The following TRAF6 variants were observed in gnomAD, a reference collection of about 807,000 sequenced individuals.
The protein encoded by TRAF6 is TNF receptor associated factor 6.
Under a neutral mutation model 48.4 loss-of-function variants are expected in TRAF6, and 10 were observed. That is an observed-to-expected ratio of 0.21 (90% CI 0.13 to 0.35). The LOEUF (loss-of-function observed/expected upper bound fraction) is 0.35, where lower values mean the gene tolerates loss of function less well. Among genes scored for constraint, TRAF6 ranks in the 10% least tolerant of loss-of-function variants. The pLI is 1.00. For synonymous variants in TRAF6, 186 were observed against 219.6 expected, an observed-to-expected ratio of 0.85 and a Z score of 1.35; for missense variants, 397 against 661.0, an observed-to-expected ratio of 0.60 and a Z score of 4.38.
intron 5 of TRAF6, among the ~76,000 whole-genome samples, chr11:36,493,396 A>G (rs1859588977): frequency 6.6e-6 from 1 of 152,340 alleles, no homozygotes; most frequent in East Asian, 1.9e-4. Flanking sequence ...AACAGGGGCC[A>G]ATAAAATTTT....
In TRAF6 at chr11:36,489,063, T is replaced by G. The variant is rs936456096; in HGVS notation, c.*775A>C. Reference sequence around the variant, plus strand: ...CTCTGCACTGAATAGACAAAAAGGGTTACATAGCATAACAATGAGCAGTTG... The same window carrying G: ...CTCTGCACTGAATAGACAAAAAGGGGTACATAGCATAACAATGAGCAGTTG... On this transcript the variant is annotated 3_prime_UTR_variant, in exon 7 of 7. Transcript: ENST00000526995. The G allele has an allele frequency of 6.6e-6, 1 of 152,206 alleles. No individual in the cohort carries two copies. Among genetic ancestry groups the G allele is most frequent in the Non-Finnish European group, 1.5e-5 (1 of 68,050 alleles). 9.4% of individuals were successfully genotyped at this position (152,206 alleles called of 1,614,324 possible). A position where few individuals can be genotyped will look rare whatever the true frequency, so the allele number is the denominator to read the frequency against.
At chr11:36,496,998 A>G in intron 4 of TRAF6, 110 bp downstream of exon 4, 1 of 1,135,288 alleles carries the variant, frequency 8.8e-7, no homozygotes, top group Non-Finnish European at 1.2e-6. Flanking sequence ...TTGATAATGT[A>G]GACTCAGAGT....
At position 36,487,641 on chromosome 11, in the gene TRAF6, G is replaced by A. The variant is rs1214069018; in HGVS notation, c.*2197C>T. 1 of 152,178 alleles carries A rather than the reference G, an allele frequency of 6.6e-6. No individual in the cohort carries two copies. The highest frequency in any genetic ancestry group is 2.4e-5 in the African/African-American group (1 of 41,454). 9.4% of individuals were successfully genotyped at this position (152,178 alleles called of 1,614,324 possible). A position where few individuals can be genotyped will look rare whatever the true frequency, so the allele number is the denominator to read the frequency against. The stretch of plus-strand genomic sequence containing the variant: ...GAGACAGAATGTTATGGCTGGAGGG[G>A]ACTCTAGAAATATCTGGTCCAAATC... On this transcript the variant is annotated 3_prime_UTR_variant, in exon 7 of 7. Transcript: ENST00000526995.
In TRAF6 at chr11:36,484,327, A is replaced by G. The variant is rs1037498266; in HGVS notation, c.*5511T>C. ...TTTCCCCACCCTTATCTTTGCATTC[A>G]CTCCCTCTCATAAAGGATGCATTTT... On this transcript the variant is annotated 3_prime_UTR_variant, in exon 7 of 7. Coordinates refer to ENST00000526995, the MANE Select transcript of TRAF6 (RefSeq NM_004620.4). 6.6e-6 allele frequency among the ~76,000 whole-genome samples: 1 copy of G among 151,826 alleles called. No individual in the cohort carries two copies. Among genetic ancestry groups the G allele is most frequent in the African/African-American group, 2.4e-5 (1 of 41,292 alleles).
At position 36,509,947 on chromosome 11, in the gene TRAF6, C is replaced by T. The variant is rs555105456; in HGVS notation, c.-23+101G>A. 244 of 151,198 alleles carry T rather than the reference C, an allele frequency of 1.6e-3. 3 individuals carry two copies. Among genetic ancestry groups the T allele is most frequent in the Non-Finnish European group, 1.9e-3 (131 of 67,710 alleles). 9.4% of individuals were successfully genotyped at this position (151,198 alleles called of 1,614,324 possible). ...GTGGGAAGCGAGGGGACAGGGACTGCGTCCCCGACCTGCCGAGAGCGAAGG... is the reference window on the plus strand; with the variant it reads ...GTGGGAAGCGAGGGGACAGGGACTGTGTCCCCGACCTGCCGAGAGCGAAGG... On this transcript the variant is annotated intron_variant, in intron 1 of 6. Coordinates refer to ENST00000526995, the MANE Select transcript of TRAF6 (RefSeq NM_004620.4).
At chr11:36,491,963 CT>C (rs1273091296) in intron 6 of TRAF6, among the ~76,000 whole-genome samples, 2 of 152,106 alleles carry the variant, frequency 1.3e-5, no homozygotes, top group Non-Finnish European at 2.9e-5. Flanking sequence ...TGTGTTCACT[CT>C]TTTTTGCCGA....
Position 36,497,372 on chromosome 11 carries a change from C to T in TRAF6, c.448-106G>A, listed in dbSNP as rs1388983557. The T allele has an allele frequency of 6.4e-6, 7 of 1,089,472 alleles. No individual in the cohort carries two copies. The East Asian group carries it at 1.6e-4, about 24-fold the overall frequency. 67.5% of individuals were successfully genotyped at this position (1,089,472 alleles called of 1,614,324 possible). A position where few individuals can be genotyped will look rare whatever the true frequency, so the allele number is the denominator to read the frequency against. On this transcript the variant is annotated intron_variant, in intron 3 of 6. Coordinates refer to ENST00000526995, the MANE Select transcript of TRAF6 (RefSeq NM_004620.4). ...CTCTTTCAGCAGGCTACTGAACCTACTTTGTCTAATGCACACCACAGAACC... is the reference window on the plus strand; with the variant it reads ...CTCTTTCAGCAGGCTACTGAACCTATTTTGTCTAATGCACACCACAGAACC...
chr11:36,505,840 G>A (rs951863657), intron 1 of TRAF6, among the ~76,000 whole-genome samples: 1 of 152,106 alleles, frequency 6.6e-6, no homozygotes, highest in African/African-American at 2.4e-5. Context: ...AGGGGAGTAG[G>A]GAGGCCTGAG....
chr11:36,494,630 A>AAT (rs5030467), intron 5 of TRAF6, among the ~76,000 whole-genome samples: 22,476 of 150,034 alleles, frequency 0.15, 1,732 homozygotes, highest in African/African-American at 0.19. Context: ...ACAGTGTGTA[A>AAT]ATATATATAT....
In TRAF6 at chr11:36,489,855, T is replaced by C; in HGVS notation, c.1552A>G (p.Thr518Ala). Reference sequence around the variant, plus strand: ...AGGGCAAGCTATACCCCTGCATCAGTACTTCGTGGCTGAAAACCCTCCCTC... The same window carrying C: ...AGGGCAAGCTATACCCCTGCATCAGCACTTCGTGGCTGAAAACCCTCCCTC... ...LRREGFQPRS[T>A]DAGV The change falls in exon 7 of 7, where the codon ACT (threonine) becomes GCT (alanine). Residue 518 changes from threonine (T) to alanine (A), a missense_variant. This residue lies in a region of TRAF6 where 74 missense variants were observed against 198.9 expected (regional missense o/e 0.37). Coordinates refer to ENST00000526995, the MANE Select transcript of TRAF6 (RefSeq NM_004620.4). 6.2e-7 allele frequency: 1 copy of C among 1,613,868 alleles called. No individual in the cohort carries two copies. Among genetic ancestry groups the C allele is most frequent in the Non-Finnish European group, 8.5e-7 (1 of 1,179,792 alleles).
intron 4 of TRAF6, 84 bp downstream of exon 4, chr11:36,497,024 A>T: frequency 2.1e-6 from 3 of 1,400,720 alleles, no homozygotes; most frequent in Non-Finnish European, 2.9e-6. Context: ...TCACATCCTT[A>T]TCTACTGCTA....
chr11:36,500,812 A>G (rs1859705688), intron 2 of TRAF6, among the ~76,000 whole-genome samples: 1 of 152,130 alleles, frequency 6.6e-6, no homozygotes, highest in South Asian at 2.1e-4. Context: ...ACAAGATTTA[A>G]CATGCCTAAA....
chr11:36,508,646 G>T (rs1018933280), intron 1 of TRAF6, among the ~76,000 whole-genome samples: 2 of 152,136 alleles, frequency 1.3e-5, no homozygotes, highest in African/African-American at 4.8e-5. Context: ...GAAAATATGA[G>T]AAATTATCTT....
intron 2 of TRAF6, among the ~76,000 whole-genome samples, chr11:36,499,852 A>G (rs1329654272): frequency 6.6e-6 from 1 of 152,002 alleles, no homozygotes; most frequent in Non-Finnish European, 1.5e-5. Context: ...GAATTCACTA[A>G]TATAACTAGA....
At chr11:36,500,683 A>G (rs1045654327) in intron 2 of TRAF6, among the ~76,000 whole-genome samples, 5 of 152,184 alleles carry the variant, frequency 3.3e-5, no homozygotes, top group African/African-American at 1.2e-4. Context: ...GGGTGGTAGC[A>G]GAGGGAGGAA....
intron 4 of TRAF6, among the ~76,000 whole-genome samples, chr11:36,495,930 C>G (rs1300106930): frequency 6.6e-6 from 1 of 152,026 alleles, no homozygotes; most frequent in Non-Finnish European, 1.5e-5. Flanking sequence ...TCATTTTACT[C>G]TAATTATGAC....
intron 2 of TRAF6, among the ~76,000 whole-genome samples, chr11:36,500,999 T>C (rs1352860554): frequency 6.6e-6 from 1 of 152,164 alleles, no homozygotes. Flanking sequence ...TATTTACTTA[T>C]TTATCCAAGG....
rs1859464593 is a variant in TRAF6, at chr11:36,485,249, T to G, written c.*4589A>C. On this transcript the variant is annotated 3_prime_UTR_variant, in exon 7 of 7. Transcript: ENST00000526995. ...ACATCTGCGCCTTACCATCTAAAATTTACATGACAAGGTACCAGAAATTGG... is the reference window on the plus strand; with the variant it reads ...ACATCTGCGCCTTACCATCTAAAATGTACATGACAAGGTACCAGAAATTGG... Among the ~76,000 whole-genome samples, 2 of 152,132 alleles carry G rather than the reference T, an allele frequency of 1.3e-5. No homozygotes were observed. The highest frequency in any genetic ancestry group is 4.8e-5 in the African/African-American group (2 of 41,382).
At chr11:36,501,124 T>C (rs1859709593) in intron 2 of TRAF6, 96 bp downstream of exon 2, 1 of 1,229,458 alleles carries the variant, frequency 8.1e-7, no homozygotes, top group Non-Finnish European at 1.1e-6. Flanking sequence ...GCTTTTTATG[T>C]GTAAGACTAC....
Sources: allele counts gnomAD v4.1 joint callset (sites outside exome capture counted in the v4.1 genomes callset), GRCh38; gene constraint gnomAD v4.1.1; regional missense constraint gnomAD v4.1.1; transcripts MANE v1.5; gene names NCBI Gene and HGNC (gene_info 2026-07-23, HGNC 2026-07-21).